Variants in PAK4 observed in about 807,000 individuals in gnomAD.
The protein encoded by PAK4 is serine/threonine-protein kinase PAK 4.
Under a neutral mutation model 53.5 loss-of-function variants are expected in PAK4, and 49 were observed. The ratio of observed to expected loss-of-function variants is 0.92; its 90% confidence interval spans 0.73 to 1.16. PAK4 has a LOEUF of 1.16. Among genes scored for constraint, PAK4 ranks in the 50% most tolerant of loss-of-function variants. The probability of loss-of-function intolerance (pLI) is 0.00; values close to 1 mark genes in which losing one functional copy is unlikely to be tolerated. For synonymous variants in PAK4, 376 were observed against 375.6 expected, an observed-to-expected ratio of 1.00 and a Z score of -0.01; for missense variants, 824 against 850.7, an observed-to-expected ratio of 0.97 and a Z score of 0.39.
intron 1 of PAK4, among the ~76,000 whole-genome samples, chr19:39,141,998 G>A (rs893065431): frequency 6.6e-6 from 1 of 151,510 alleles, no homozygotes; most frequent in Non-Finnish European, 1.5e-5. Context: ...TTTTTGTTTT[G>A]TTTTGTTCCC....
In PAK4 at chr19:39,173,877, ACAACTTCATCAAGATT is replaced by A. The variant is rs2074544854; in HGVS notation, c.966_981del (p.Asp322GlufsTer42). 1 of 1,612,604 alleles carries A rather than the reference ACAACTTCATCAAGATT, an allele frequency of 6.2e-7. No individual in the cohort carries two copies. The highest frequency in any genetic ancestry group is 8.5e-7 in the Non-Finnish European group (1 of 1,179,838). ...CCAGGCGACCCCCGCTCCTACCTGGACAACTTCATCAAGATTGGCGAGGGCTCCACGGGCATCGTGT... is the reference window on the plus strand; with the variant it reads ...CCAGGCGACCCCCGCTCCTACCTGGAGGCGAGGGCTCCACGGGCATCGTGT... On this transcript the variant is annotated frameshift_variant, in exon 4 of 9. Coordinates refer to ENST00000358301, the Ensembl canonical transcript of PAK4. LOFTEE classifies it high-confidence loss of function. The surrounding 1 kb of genome is among the most constrained non-coding windows in gnomAD (Gnocchi z 6.9).
intron 1 of PAK4, among the ~76,000 whole-genome samples, chr19:39,159,649 A>G (rs1381327690): frequency 6.6e-6 from 1 of 152,138 alleles, no homozygotes; most frequent in Non-Finnish European, 1.5e-5. Flanking sequence ...CGGCCTCCCA[A>G]AGTGCTGGGA....
Position 39,165,905 on chromosome 19 carries a change from C to T in PAK4, c.-22-3627C>T, listed in dbSNP as rs142963612. Reference sequence around the variant, plus strand: ...GGCCACCTGGGTTAATGAGGTCCCCCTCTGTGCCTTGTTTTCCCTGTCTGT... The same window carrying T: ...GGCCACCTGGGTTAATGAGGTCCCCTTCTGTGCCTTGTTTTCCCTGTCTGT... On this transcript the variant is annotated intron_variant, in intron 1 of 8. Transcript: ENST00000358301. Among the ~76,000 whole-genome samples, 553 of 152,358 alleles carry T rather than the reference C, an allele frequency of 3.6e-3. 5 individuals carry two copies. Among genetic ancestry groups the T allele is most frequent in the Middle Eastern group, 6.8e-3 (2 of 294 alleles).
chr19:39,135,784 C>T (rs955703105), intron 1 of PAK4, among the ~76,000 whole-genome samples: 1 of 141,430 alleles, frequency 7.1e-6, no homozygotes, highest in African/African-American at 2.5e-5. Flanking sequence ...TGGAGGCTCC[C>T]GGCCCCCATC....
intron 1 of PAK4, among the ~76,000 whole-genome samples, chr19:39,135,405 A>T (rs1292566440): frequency 1.5e-5 from 2 of 134,330 alleles, no homozygotes; most frequent in Admixed American, 9.2e-5. Flanking sequence ...GCGCGATCTC[A>T]GCTCACTGCA....
intron 1 of PAK4, among the ~76,000 whole-genome samples, chr19:39,143,653 A>C (rs2073950350): frequency 6.6e-6 from 1 of 150,828 alleles, no homozygotes; most frequent in South Asian, 2.1e-4. Context: ...TGAATAAAAG[A>C]AAGAAAATGA....
intron 1 of PAK4, among the ~76,000 whole-genome samples, chr19:39,140,729 C>T (rs1337447198): frequency 6.6e-6 from 1 of 152,176 alleles, no homozygotes; most frequent in Non-Finnish European, 1.5e-5. Flanking sequence ...CAGCGAAGGG[C>T]TCAGGAGTCC....
intron 4 of PAK4, among the ~76,000 whole-genome samples, chr19:39,174,567 A>G (rs1354015882): frequency 6.6e-6 from 1 of 151,806 alleles, no homozygotes; most frequent in African/African-American, 2.4e-5. Context: ...GGGCTGCACC[A>G]TGGAGCTCCT....
At chr19:39,169,916 C>G (rs1352709636) in intron 2 of PAK4, among the ~76,000 whole-genome samples, 159 bp downstream of exon 3, 1 of 152,038 alleles carries the variant, frequency 6.6e-6, no homozygotes, top group Non-Finnish European at 1.5e-5. Context: ...CAGTGCTGGC[C>G]TTTCACCCTC....
Position 39,175,413 on chromosome 19 carries a change from C to T in PAK4, c.1334C>T (p.Ser445Leu), listed in dbSNP as rs770265513. The change falls in exon 6 of 9, where the codon TCG becomes TTG. Residue 445 changes from serine (S) to leucine (L), a missense_variant. Around this residue, in one of 2 missense-constraint regions of PAK4, gnomAD observed 346 missense variants for 415.0 expected, o/e 0.83. Transcript: ENST00000358301. This position sits in a 1 kb window ranked among gnomAD's most constrained non-coding sequence, Gnocchi z 4.7. ...ATCCACCGGGACATCAAGAGCGACT[C>T]GATCCTGCTGACCCATGATGGCAGG... 7 of 1,611,760 alleles carry T rather than the reference C, an allele frequency of 4.3e-6. No homozygotes were observed. The highest frequency in any genetic ancestry group is 1.3e-5 in the African/African-American group (1 of 74,894).
In PAK4 at chr19:39,147,983, ACT is replaced by A. The variant is rs1387995499; in HGVS notation, c.-22-21546_-22-21545del. 1.8e-4 allele frequency among the ~76,000 whole-genome samples: 20 copies of A among 110,138 alleles called. No homozygotes were observed. In the South Asian group the frequency reaches 5.9e-3, roughly 32 times the overall value. 72.3% of individuals were successfully genotyped at this position (110,138 alleles called of 152,430 possible). On this transcript the variant is annotated intron_variant, in intron 1 of 8. Coordinates refer to ENST00000358301, the Ensembl canonical transcript of PAK4. ...TTTTTTTTTTTTTAGATGGAGTCTC[ACT>A]CTGTCGCCCAGGCTGGAGTACAGTG... is the stretch of plus-strand genomic sequence containing the variant.
At chr19:39,154,270 T>G (rs1023680819) in intron 1 of PAK4, among the ~76,000 whole-genome samples, 1 of 152,194 alleles carries the variant, frequency 6.6e-6, no homozygotes, top group African/African-American at 2.4e-5. Flanking sequence ...TCGATGCTGC[T>G]AAGCTCCTGC....
At position 39,158,060 on chromosome 19, in the gene PAK4, G is replaced by A. The variant is rs1006900712; in HGVS notation, c.-22-11472G>A. 9.3e-5 allele frequency among the ~76,000 whole-genome samples: 13 copies of A among 140,476 alleles called. No individual in the cohort carries two copies. The East Asian group carries it at 1.8e-3, about 20-fold the overall frequency. 92.2% of individuals were successfully genotyped at this position (140,476 alleles called of 152,430 possible). A position where few individuals can be genotyped will look rare whatever the true frequency, so the allele number is the denominator to read the frequency against. Reference sequence around the variant, plus strand: ...TGTATGTGAGCATGTATTTGTGAGCGTGTGTGTGAGCATGCATGTGTGTGT... The same window carrying A: ...TGTATGTGAGCATGTATTTGTGAGCATGTGTGTGAGCATGCATGTGTGTGT... On this transcript the variant is annotated intron_variant, in intron 1 of 8. Coordinates refer to ENST00000358301, the Ensembl canonical transcript of PAK4.
At chr19:39,179,870 C>T (rs1308600925), downstream of PAK4, 1 of 152,222 alleles carries the variant, frequency 6.6e-6, no homozygotes, top group Non-Finnish European at 1.5e-5. Context: ...CGCAGGAGCC[C>T]AGAGCCGAGC....
intron 1 of PAK4, among the ~76,000 whole-genome samples, chr19:39,138,421 G>A (rs1029146248): frequency 1.1e-4 from 16 of 152,178 alleles, no homozygotes; most frequent in African/African-American, 3.9e-4. Flanking sequence ...GTGTATGTAC[G>A]TGTGCTCGTG....
In PAK4 at chr19:39,175,886, A is replaced by G. The variant is rs1351912142; in HGVS notation, c.1359+448A>G. Among the ~76,000 whole-genome samples, 1 of 152,196 alleles carries G rather than the reference A, an allele frequency of 6.6e-6. No homozygotes were observed. The highest frequency in any genetic ancestry group is 1.5e-5 in the Non-Finnish European group (1 of 68,034). ...CTGTGAGAGAGGGCCCTTGACTTGAATGAAATGCTTGCAGAAGTGGATGAC... is the reference window on the plus strand; with the variant it reads ...CTGTGAGAGAGGGCCCTTGACTTGAGTGAAATGCTTGCAGAAGTGGATGAC... On this transcript the variant is annotated intron_variant, in intron 6 of 8. Transcript: ENST00000358301. This position sits in a 1 kb window ranked among gnomAD's most constrained non-coding sequence, Gnocchi z 4.7.
At position 39,148,953 on chromosome 19, in the gene PAK4, A is replaced by C. The variant is rs1394192211; in HGVS notation, c.-22-20579A>C. ...CTGTTGAATTGCTTAGGCTTCTTTC[A>C]CAAGAATCAGTTACCACGATGAGAT... On this transcript the variant is annotated intron_variant, in intron 1 of 8. Transcript: ENST00000358301. Among the ~76,000 whole-genome samples, 4 of 152,208 alleles carry C rather than the reference A, an allele frequency of 2.6e-5. No individual in the cohort carries two copies. The East Asian group carries it at 7.7e-4, about 29-fold the overall frequency.
chr19:39,164,845 G>A (rs948802669), intron 1 of PAK4, among the ~76,000 whole-genome samples: 6 of 152,254 alleles, frequency 3.9e-5, no homozygotes, highest in East Asian at 1.9e-4. Context: ...CAGCGTCAGC[G>A]TCTGCTCTGG....
chr19:39,148,415 C>A (rs1344613084), intron 1 of PAK4, among the ~76,000 whole-genome samples: 2 of 147,006 alleles, frequency 1.4e-5, no homozygotes, highest in Admixed American at 6.9e-5. Flanking sequence ...CATTTGCTGT[C>A]AAGTCTCAGA....
Sources: allele counts gnomAD v4.1 joint callset (sites outside exome capture counted in the v4.1 genomes callset), GRCh38; gene constraint gnomAD v4.1.1; regional missense constraint gnomAD v4.1.1; non-coding constraint Gnocchi (gnomAD v3.1); transcripts MANE v1.5; gene names NCBI Gene and HGNC (gene_info 2026-07-23, HGNC 2026-07-21).